The following EI24 variants were observed in gnomAD, a reference collection of about 807,000 sequenced individuals.
The protein encoded by EI24 is EI24 autophagy associated transmembrane protein, also known as etoposide-induced protein 2.4 homolog.
Under a neutral mutation model 48.6 loss-of-function variants are expected in EI24, and 21 were observed. The observed-to-expected ratio is 0.43, with a 90% CI of 0.31 to 0.62. The LOEUF (loss-of-function observed/expected upper bound fraction) is 0.62. Ranked by LOEUF, EI24 falls within the 20% of genes least tolerant of loss-of-function variation. The probability of loss-of-function intolerance (pLI) is 0.10; values close to 1 mark genes in which losing one functional copy is unlikely to be tolerated. For synonymous variants in EI24, 114 were observed against 145.5 expected (o/e 0.78, Z 1.56); for missense variants, 280 against 410.5 (o/e 0.68, Z 2.75).
At chr11:125,572,300 G>A (rs906072882) in intron 1 of EI24, among the ~76,000 whole-genome samples, 158 bp from the exon 2 acceptor site, 3 of 152,210 alleles carry the variant, frequency 2.0e-5, no homozygotes, top group Non-Finnish European at 2.9e-5. Context: ...GGTTTCAGCT[G>A]TACAGGAATA....
chr11:125,578,480 CTTTTTT>C (rs370986926), intron 6 of EI24, among the ~76,000 whole-genome samples: 2 of 84,694 alleles, frequency 2.4e-5, no homozygotes, highest in Admixed American at 1.6e-4. Flanking sequence ...TTCGTTTTGG[CTTTTTT>C]TTTTTTTTTT....
At chr11:125,583,426 C>A in intron 10 of EI24, 95 bp from the exon 11 acceptor site, 1 of 1,003,958 alleles carries the variant, frequency 1.0e-6, no homozygotes, top group Non-Finnish European at 1.4e-6. Context: ...TCTTGTCTTT[C>A]CCTGTGTAGT....
chr11:125,573,979 G>A (rs1938633662), intron 2 of EI24, among the ~76,000 whole-genome samples: 1 of 152,054 alleles, frequency 6.6e-6, no homozygotes, highest in Non-Finnish European at 1.5e-5. Context: ...ACCGTGCCCA[G>A]CAGCATATGA....
rs1020414242 is a variant in EI24 at position 125,574,162 on chromosome 11, AGAATCGTTT to A, written c.43-1097_43-1089del. Among the ~76,000 whole-genome samples, 12 of 151,900 alleles carry A rather than the reference AGAATCGTTT, an allele frequency of 7.9e-5. 1 individual carries two copies. The highest frequency in any genetic ancestry group is 2.9e-4 in the African/African-American group (12 of 41,342). On this transcript the variant is annotated intron_variant, in intron 2 of 10. Transcript: ENST00000278903. ...CAGCTACTCAGGAGGCTGAGGCAGG[AGAATCGTTT>A]GAACCTGGGAGGTAGAGGTTGCAAT...
intron 1 of EI24, among the ~76,000 whole-genome samples, chr11:125,571,228 T>C (rs1167658490): frequency 6.6e-6 from 1 of 152,216 alleles, no homozygotes; most frequent in East Asian, 1.9e-4. Context: ...AATTCTGTCT[T>C]TGTATTATGG....
intron 1 of EI24, chr11:125,569,838 A>C: frequency 4.3e-6 from 1 of 229,968 alleles, no homozygotes; most frequent in Non-Finnish European, 8.4e-6. Flanking sequence ...TACCTCGTGC[A>C]CAGTTGTGCC....
chr11:125,577,580 T>C lies in EI24; in HGVS notation c.316+10T>C. The C allele has an allele frequency of 6.2e-7, 1 of 1,609,596 alleles. No homozygotes were observed. Among genetic ancestry groups the C allele is most frequent in the Non-Finnish European group, 8.5e-7 (1 of 1,177,222 alleles). ...ACAGCCCGAATTATCGGTAAGTGTATACCCTGCTCCTTGTCTGTTGGGGAC... is the reference window on the plus strand; with the variant it reads ...ACAGCCCGAATTATCGGTAAGTGTACACCCTGCTCCTTGTCTGTTGGGGAC... On this transcript the variant is annotated intron_variant, in intron 5 of 10. Transcript: ENST00000278903.
chr11:125,574,232 G>A (rs1215334937), intron 2 of EI24, among the ~76,000 whole-genome samples: 2 of 151,262 alleles, frequency 1.3e-5, no homozygotes, highest in African/African-American at 4.9e-5. Context: ...CAGCCTGGGC[G>A]ACAGAGTAAG....
Position 125,583,813 on chromosome 11 carries a change from T to A in EI24, c.*130T>A. The A allele has an allele frequency of 7.7e-7, 1 of 1,295,360 alleles. No homozygotes were observed. The highest frequency in any genetic ancestry group is 1.1e-6 in the Non-Finnish European group (1 of 943,444). 80.2% of individuals were successfully genotyped at this position (1,295,360 alleles called of 1,614,324 possible). Reference sequence around the variant, plus strand: ...AGGGCCCTCTGCGTATTCCCTTCTCTCTGAGGAATTGAAATTTTTGTCTCT... The same window carrying A: ...AGGGCCCTCTGCGTATTCCCTTCTCACTGAGGAATTGAAATTTTTGTCTCT... On this transcript the variant is annotated 3_prime_UTR_variant, in exon 11 of 11. Coordinates refer to ENST00000278903, the MANE Select transcript of EI24 (RefSeq NM_004879.5).
At chr11:125,583,035 C>T (rs1024846617) in intron 10 of EI24, among the ~76,000 whole-genome samples, 2 of 152,234 alleles carry the variant, frequency 1.3e-5, no homozygotes, top group Non-Finnish European at 2.9e-5. Flanking sequence ...ATAACTATTT[C>T]CTGTAAGAGC....
At chr11:125,574,614 C>T (rs1403070787) in intron 2 of EI24, 1 of 152,182 alleles carries the variant, frequency 6.6e-6, no homozygotes, top group Admixed American at 6.5e-5. Context: ...CCAGCTTGGC[C>T]ATTGCTTCCA....
At chr11:125,579,526 C>T (rs1367935410) in intron 7 of EI24, among the ~76,000 whole-genome samples, 5 of 151,868 alleles carry the variant, frequency 3.3e-5, no homozygotes, top group African/African-American at 1.2e-4. Context: ...ATTAGCTGCG[C>T]GTGGTGGCAA....
intron 2 of EI24, among the ~76,000 whole-genome samples, chr11:125,574,056 CCTGG>C (rs1164910283): frequency 6.6e-6 from 1 of 152,002 alleles, no homozygotes; most frequent in Admixed American, 6.6e-5. Flanking sequence ...ACCCTCCCAG[CCTGG>C]CTAACACAGC....
rs1308438580 is a variant in EI24 at position 125,578,123 on chromosome 11, T to G, written c.317-10T>G. The stretch of plus-strand genomic sequence containing the variant: ...TCTCCATTTCTAGTAACTCGTTTCC[T>G]CTTTCTTAGGTGACCCATCACTACA... On this transcript the variant is annotated splice_polypyrimidine_tract_variant and intron_variant, in intron 5 of 10. Transcript: ENST00000278903. The G allele has an allele frequency of 9.3e-6, 15 of 1,612,666 alleles. No homozygotes were observed. Among genetic ancestry groups the G allele is most frequent in the Non-Finnish European group, 1.3e-5 (15 of 1,179,856 alleles).
intron 4 of EI24, 149 bp from the exon 5 acceptor site, chr11:125,577,355 G>GTGAACCACCGCGCA: frequency 1.5e-6 from 1 of 668,868 alleles, no homozygotes; most frequent in Non-Finnish European, 2.5e-6. Flanking sequence ...GCCTCTCAAA[G>GTGAACCACCGCGCA]TGAACCACCG....
At position 125,579,046 on chromosome 11, in the gene EI24, T is replaced by C. The variant is rs1938877221; in HGVS notation, c.539T>C (p.Leu180Pro). ...IIADMLFNLL[L>P]QALFLIQGMF... ...GCTGACATGCTCTTCAACCTTTTGC[T>C]GCAGGCTCTTTTCCTCATTCAGGTG... The change falls in exon 7 of 11, where the codon CTG (leucine) becomes CCG (proline). Residue 180 changes from leucine to proline, a missense_variant. This residue lies in a region of EI24 where 204 missense variants were observed against 294.1 expected (regional missense o/e 0.69). Coordinates refer to ENST00000278903, the MANE Select transcript of EI24 (RefSeq NM_004879.5). 6.4e-7 allele frequency: 1 copy of C among 1,570,810 alleles called. No homozygotes were observed. Among genetic ancestry groups the C allele is most frequent in the African/African-American group, 1.3e-5 (1 of 74,336 alleles).
intron 1 of EI24, 68 bp from the exon 2 acceptor site, chr11:125,572,390 G>T (rs997912379): frequency 2.6e-6 from 2 of 759,500 alleles, no homozygotes; most frequent in Admixed American, 2.2e-5. Flanking sequence ...TCATCATGTG[G>T]AAATGTGCAT....
At position 125,575,289 on chromosome 11, in the gene EI24, T is replaced by C; in HGVS notation, c.69T>C (p.Ile23=). ...ARGIKDSIWG[I]CTISKLDARI... The stretch of plus-strand genomic sequence containing the variant: ...GAATCAAAGACTCCATCTGGGGTAT[T>C]TGTACCATCTCAAAGCTAGATGCTC... Residue 23 remains isoleucine (I), a synonymous_variant, in exon 3 of 11, where the codon ATT becomes ATC. Coordinates refer to ENST00000278903, the MANE Select transcript of EI24 (RefSeq NM_004879.5). The C allele has an allele frequency of 1.3e-6, 2 of 1,552,052 alleles. No homozygotes were observed. Among genetic ancestry groups the C allele is most frequent in the East Asian group, 2.4e-5 (1 of 40,972 alleles).
At chr11:125,571,715 A>G (rs1012225947) in intron 1 of EI24, among the ~76,000 whole-genome samples, 2 of 151,928 alleles carry the variant, frequency 1.3e-5, no homozygotes, top group African/African-American at 2.4e-5. Context: ...CATCTCTACT[A>G]AAAATACACA....
Sources: allele counts gnomAD v4.1 joint callset (sites outside exome capture counted in the v4.1 genomes callset), GRCh38; gene constraint gnomAD v4.1.1; regional missense constraint gnomAD v4.1.1; transcripts MANE v1.5; gene names NCBI Gene and HGNC (gene_info 2026-07-23, HGNC 2026-07-21).